AP3B1: variants seen among roughly 807,000 people sequenced by gnomAD.
AP3B1 encodes adaptor related protein complex 3 subunit beta 1.
AP3B1 carries 61 observed loss-of-function variants against 132.5 expected under a neutral mutation model. The observed-to-expected ratio is 0.46, with a 90% CI of 0.37 to 0.57. AP3B1 has a LOEUF of 0.57. Ranked by LOEUF, AP3B1 falls within the 20% of genes least tolerant of loss-of-function variation. The pLI, the probability that AP3B1 is intolerant of heterozygous loss-of-function variation, is 0.00. For missense variants in AP3B1, 1,120 were observed against 1,289.4 expected, an observed-to-expected ratio of 0.87 and a Z score of 2.01; for synonymous variants, 388 against 438.3, an observed-to-expected ratio of 0.89 and a Z score of 1.43.
At chr5:78,245,457 G>A (rs1319044012) in intron 2 of AP3B1, among the ~76,000 whole-genome samples, 1 of 152,154 alleles carries the variant, frequency 6.6e-6, no homozygotes, top group East Asian at 1.9e-4. Flanking sequence ...CTGAGCATGG[G>A]AACATGATGG....
intron 14 of AP3B1, among the ~76,000 whole-genome samples, chr5:78,141,868 A>C (rs940842329): frequency 6.6e-6 from 1 of 152,198 alleles, no homozygotes; most frequent in Admixed American, 6.5e-5. Context: ...GGTGGGGCCC[A>C]GAAATCTATG....
At chr5:78,015,585 C>A in intron 25 of AP3B1, 37 bp from the exon 26 acceptor site, 2 of 1,608,372 alleles carry the variant, frequency 1.2e-6, no homozygotes, top group Non-Finnish European at 1.7e-6. Flanking sequence ...TTATTAATTT[C>A]TTTTTGAAAA....
chr5:78,080,318 TCTTA>T (rs1274438086), intron 22 of AP3B1, among the ~76,000 whole-genome samples: 11 of 152,194 alleles, frequency 7.2e-5, no homozygotes, highest in African/African-American at 2.2e-4. Context: ...CTGTGATGTT[TCTTA>T]CTATTGTTTT....
chr5:78,216,424 T>C (rs967564017), intron 6 of AP3B1, among the ~76,000 whole-genome samples, 187 bp from the exon 7 acceptor site: 2 of 152,210 alleles, frequency 1.3e-5, no homozygotes, highest in African/African-American at 4.8e-5. Context: ...ATAATTTTAA[T>C]AGTTCTAATA....
At chr5:78,041,589 T>C (rs1201411544) in intron 22 of AP3B1, among the ~76,000 whole-genome samples, 1 of 151,402 alleles carries the variant, frequency 6.6e-6, no homozygotes, top group Non-Finnish European at 1.5e-5. Flanking sequence ...AAAATAATAA[T>C]CATAAAAATT....
intron 22 of AP3B1, among the ~76,000 whole-genome samples, chr5:78,074,240 A>C (rs1335586178): frequency 6.6e-6 from 1 of 152,142 alleles, no homozygotes; most frequent in African/African-American, 2.4e-5. Context: ...TGAGTACCTC[A>C]GAAGTAGCAT....
intron 7 of AP3B1, among the ~76,000 whole-genome samples, chr5:78,204,726 T>C (rs1391663480): frequency 6.6e-6 from 1 of 152,182 alleles, no homozygotes; most frequent in Non-Finnish European, 1.5e-5. Context: ...TCAAAACAAA[T>C]AATCACACCT....
At chr5:78,028,605 G>A (rs1747440731) in intron 24 of AP3B1, among the ~76,000 whole-genome samples, 1 of 152,112 alleles carries the variant, frequency 6.6e-6, no homozygotes, top group South Asian at 2.1e-4. Context: ...ACTTAAAAGA[G>A]ATTGTTTCTG....
chr5:78,119,138 T>G (rs1480403956), intron 17 of AP3B1, among the ~76,000 whole-genome samples: 2 of 152,156 alleles, frequency 1.3e-5, no homozygotes, highest in Non-Finnish European at 2.9e-5. Context: ...TCCTGTCTGT[T>G]AGAAGGAAAA....
At chr5:78,183,732 T>G (rs1744470912) in intron 7 of AP3B1, among the ~76,000 whole-genome samples, 1 of 151,144 alleles carries the variant, frequency 6.6e-6, no homozygotes, top group Admixed American at 6.6e-5. Flanking sequence ...GCCTGGCTGG[T>G]GGGGCACACC....
chr5:78,186,015 C>CA (rs1054273837), intron 7 of AP3B1, among the ~76,000 whole-genome samples: 21 of 151,856 alleles, frequency 1.4e-4, no homozygotes, highest in African/African-American at 5.1e-4. Context: ...AAACAAAAAA[C>CA]AAAAAACTAA....
At chr5:78,049,845 T>C (rs1172939612) in intron 22 of AP3B1, among the ~76,000 whole-genome samples, 2 of 152,194 alleles carry the variant, frequency 1.3e-5, no homozygotes, top group African/African-American at 4.8e-5. Flanking sequence ...GATGAAATAA[T>C]TTGTACACCA....
chr5:78,193,744 T>TATATA lies in AP3B1; in HGVS notation c.787-12083_787-12082insTATAT, dbSNP rs1262089756. Among the ~76,000 whole-genome samples the TATATA allele has an allele frequency of 1.8e-3, 200 of 110,368 alleles. 3 individuals carry two copies. The highest frequency in any genetic ancestry group is 2.5e-3 in the Non-Finnish European group (135 of 53,600). 72.4% of individuals were successfully genotyped at this position (110,368 alleles called of 152,430 possible). ...TTTTTAAATATTTGTATATATTTTT[T>TATATA]TATATATATATATATATATATATAT... is the stretch of plus-strand genomic sequence containing the variant. On this transcript the variant is annotated intron_variant, in intron 7 of 26. Coordinates refer to ENST00000255194, the MANE Select transcript of AP3B1 (RefSeq NM_003664.5).
intron 24 of AP3B1, among the ~76,000 whole-genome samples, chr5:78,022,202 C>T (rs1293475836): frequency 6.6e-6 from 1 of 152,108 alleles, no homozygotes; most frequent in East Asian, 1.9e-4. Context: ...CTGAATACAA[C>T]CTTGATCCTA....
chr5:78,192,440 G>A (rs1157485177), intron 7 of AP3B1, among the ~76,000 whole-genome samples: 7 of 151,754 alleles, frequency 4.6e-5, no homozygotes, highest in Non-Finnish European at 7.4e-5. Flanking sequence ...TCAGGAGTTC[G>A]AGACAAGCCT....
At chr5:78,163,882 A>C (rs1254812688) in intron 12 of AP3B1, among the ~76,000 whole-genome samples, 2 of 151,858 alleles carry the variant, frequency 1.3e-5, no homozygotes, top group Admixed American at 6.6e-5. Context: ...TTTACAATCG[A>C]AATTTTTAAG....
At chr5:78,009,322 T>C (rs1746520008) in intron 26 of AP3B1, among the ~76,000 whole-genome samples, 1 of 150,132 alleles carries the variant, frequency 6.7e-6, no homozygotes, top group East Asian at 2.0e-4. Context: ...TAGCTGGGCA[T>C]GGTGGCATGC....
chr5:78,074,089 A>G, intron 22 of AP3B1, among the ~76,000 whole-genome samples: 1 of 152,190 alleles, frequency 6.6e-6, no homozygotes, highest in Non-Finnish European at 1.5e-5. Flanking sequence ...GCCAGTTAGG[A>G]CAAACTGGCA....
intron 11 of AP3B1, 79 bp downstream of exon 11, chr5:78,175,547 C>A: frequency 1.8e-6 from 2 of 1,103,702 alleles, no homozygotes; most frequent in Non-Finnish European, 2.7e-6. Flanking sequence ...GGACTGCATC[C>A]CACAGGTGCT....
Sources: gnomAD v4.1 joint callset for allele counts (sites outside exome capture counted in the v4.1 genomes callset) on GRCh38, gnomAD v4.1.1 for gene constraint, MANE v1.5 for transcripts, NCBI Gene and HGNC (gene_info 2026-07-23, HGNC 2026-07-21) for gene names.